The following VWA2 variants were observed in gnomAD, a reference collection of about 807,000 sequenced individuals.
The protein encoded by VWA2 is von Willebrand factor A domain containing 2, also known as von Willebrand factor A domain-containing protein 2.
A neutral mutation model predicts 70.4 loss-of-function variants in VWA2; 73 were observed. The observed-to-expected ratio is 1.04, with a 90% CI of 0.86 to 1.26. VWA2 has a LOEUF of 1.26. Ranked by LOEUF, VWA2 falls within the 50% of genes most tolerant of loss-of-function variation. The pLI is 0.00. For synonymous variants in VWA2, 407 were observed against 423.3 expected, an observed-to-expected ratio of 0.96 and a Z score of 0.47; for missense variants, 1,011 against 998.5, an observed-to-expected ratio of 1.01 and a Z score of -0.17.
At chr10:114,276,610 C>T (rs898636455) in intron 6 of VWA2, among the ~76,000 whole-genome samples, 1 of 152,030 alleles carries the variant, frequency 6.6e-6, no homozygotes, top group Non-Finnish European at 1.5e-5. Flanking sequence ...GTGATCCTCC[C>T]ACCTCAGCCA....
chr10:114,269,300 G>A (rs914877799), intron 5 of VWA2, among the ~76,000 whole-genome samples: 1 of 152,206 alleles, frequency 6.6e-6, no homozygotes, highest in African/African-American at 2.4e-5. Flanking sequence ...ATCTGGATGG[G>A]CCAGGCGTGG....
At chr10:114,289,801 C>T in intron 12 of VWA2, 2 of 416,344 alleles carry the variant, frequency 4.8e-6, no homozygotes, top group South Asian at 5.0e-5. Context: ...CTAAAGATCC[C>T]ACATTCACAC....
At chr10:114,266,114 G>A (rs541309437) in intron 5 of VWA2, among the ~76,000 whole-genome samples, 6 of 152,214 alleles carry the variant, frequency 3.9e-5, no homozygotes, top group South Asian at 2.1e-4. Context: ...TGGCTAAAAC[G>A]GTGAAACCCC....
intron 2 of VWA2, among the ~76,000 whole-genome samples, chr10:114,250,814 G>A (rs923329753): frequency 1.3e-5 from 2 of 152,246 alleles, no homozygotes; most frequent in African/African-American, 4.8e-5. Context: ...AGTCTCTGGA[G>A]TCCTGGGCAC....
At chr10:114,271,028 C>T (rs1046703632) in intron 5 of VWA2, among the ~76,000 whole-genome samples, 3 of 152,082 alleles carry the variant, frequency 2.0e-5, no homozygotes, top group African/African-American at 7.2e-5. Flanking sequence ...CTGACAGCTC[C>T]ACCCCACAAT....
intron 1 of VWA2, among the ~76,000 whole-genome samples, chr10:114,241,174 C>T (rs2036968424): frequency 6.6e-6 from 1 of 152,188 alleles, no homozygotes; most frequent in Non-Finnish European, 1.5e-5. Flanking sequence ...CAGCATCCCC[C>T]ACTGCAGTGG....
intron 1 of VWA2, among the ~76,000 whole-genome samples, chr10:114,245,013 A>C (rs2037040066): frequency 6.6e-6 from 1 of 152,200 alleles, no homozygotes; most frequent in South Asian, 2.1e-4. Context: ...GTCAAGACAA[A>C]CGTATCACTG....
rs1489925359 is a variant in VWA2, at chr10:114,292,926, C to T, written c.*1689C>T. Among the ~76,000 whole-genome samples, 2 of 152,162 alleles carry T rather than the reference C, an allele frequency of 1.3e-5. No individual in the cohort carries two copies. The highest frequency in any genetic ancestry group is 6.5e-5 in the Admixed American group (1 of 15,278). On this transcript the variant is annotated 3_prime_UTR_variant, in exon 14 of 14. Transcript: ENST00000392982. Reference sequence around the variant, plus strand: ...TTCACCATGTTGGCCAGGCTAGTCTCGAACTTCTGACCTCAGGTGATCCCC... The same window carrying T: ...TTCACCATGTTGGCCAGGCTAGTCTTGAACTTCTGACCTCAGGTGATCCCC...
At chr10:114,276,404 A>G (rs1025418094) in intron 6 of VWA2, among the ~76,000 whole-genome samples, 1 of 152,240 alleles carries the variant, frequency 6.6e-6, no homozygotes, top group Non-Finnish European at 1.5e-5. Flanking sequence ...TCCTGCCTTC[A>G]GTGACTCTGA....
chr10:114,241,897 AC>A (rs946488254), intron 1 of VWA2, among the ~76,000 whole-genome samples: 2 of 106,486 alleles, frequency 1.9e-5, no homozygotes, highest in African/African-American at 7.1e-5. Context: ...AACAAATCCC[AC>A]CCCCCTCCCT....
intron 8 of VWA2, among the ~76,000 whole-genome samples, chr10:114,282,017 C>CTTTTTTTT (rs144974085): frequency 1.7e-5 from 2 of 119,658 alleles, no homozygotes; most frequent in African/African-American, 3.2e-5. Context: ...CTTATGTTAC[C>CTTTTTTTT]TTTTTTTTTT....
intron 8 of VWA2, 50 bp downstream of exon 8, chr10:114,278,901 C>A: frequency 6.2e-7 from 1 of 1,607,146 alleles, no homozygotes; most frequent in Non-Finnish European, 8.5e-7. Flanking sequence ...AAGGCCCCCA[C>A]CCCTGAGCTG....
At chr10:114,262,047 G>A (rs191308989) in intron 5 of VWA2, among the ~76,000 whole-genome samples, 3 of 152,138 alleles carry the variant, frequency 2.0e-5, no homozygotes, top group African/African-American at 2.4e-5. Flanking sequence ...CTCACTCATC[G>A]CCAATGGATG....
At chr10:114,276,522 A>T (rs2037846172) in intron 6 of VWA2, among the ~76,000 whole-genome samples, 1 of 152,116 alleles carries the variant, frequency 6.6e-6, no homozygotes, top group East Asian at 1.9e-4. Context: ...TTTTTGAGAC[A>T]GGGTCCCGCT....
intron 7 of VWA2, among the ~76,000 whole-genome samples, chr10:114,278,428 A>G (rs934591304): frequency 6.6e-6 from 1 of 152,226 alleles, no homozygotes; most frequent in Non-Finnish European, 1.5e-5. Context: ...GGGTCCACCC[A>G]GGAGCCACAT....
At chr10:114,256,145 G>A (rs1257599146) in intron 4 of VWA2, among the ~76,000 whole-genome samples, 2 of 152,128 alleles carry the variant, frequency 1.3e-5, no homozygotes, top group South Asian at 2.1e-4. Flanking sequence ...ATGCAAAATC[G>A]TACCCATACA....
At chr10:114,246,813 C>A (rs12767829) in intron 1 of VWA2, 1 of 940,790 alleles carries the variant, frequency 1.1e-6, no homozygotes, top group African/African-American at 1.6e-5. Context: ...CTGCTGCCCT[C>A]AATCTAGAGC....
At chr10:114,260,189 G>A (rs2037415205) in intron 4 of VWA2, among the ~76,000 whole-genome samples, 1 of 152,162 alleles carries the variant, frequency 6.6e-6, no homozygotes, top group Non-Finnish European at 1.5e-5. Flanking sequence ...TGGGCCCTCG[G>A]GAGGAAAGCT....
intron 5 of VWA2, among the ~76,000 whole-genome samples, chr10:114,264,415 C>A (rs1189447782): frequency 6.8e-6 from 1 of 147,398 alleles, no homozygotes; most frequent in Non-Finnish European, 1.5e-5. Context: ...TATATGATTC[C>A]ACGTTTTCTT....
Sources: allele counts gnomAD v4.1 joint callset (sites outside exome capture counted in the v4.1 genomes callset), GRCh38; gene constraint gnomAD v4.1.1; transcripts MANE v1.5; gene names NCBI Gene and HGNC (gene_info 2026-07-23, HGNC 2026-07-21).